The following CHCHD3 variants were observed in gnomAD, a reference collection of about 807,000 sequenced individuals.
CHCHD3 encodes the protein coiled-coil-helix-coiled-coil-helix domain containing 3.
Under a neutral mutation model 38.2 loss-of-function variants are expected in CHCHD3, and 20 were observed. That is an observed-to-expected ratio of 0.52 (90% CI 0.37 to 0.76). The LOEUF is 0.76. Ranked by LOEUF, CHCHD3 falls within the 30% of genes least tolerant of loss-of-function variation. The pLI, the probability that CHCHD3 is intolerant of heterozygous loss-of-function variation, is 0.00. For synonymous variants in CHCHD3, 82 were observed against 100.0 expected, an observed-to-expected ratio of 0.82 and a Z score of 1.07; for missense variants, 245 against 279.2, an observed-to-expected ratio of 0.88 and a Z score of 0.87.
intron 6 of CHCHD3, chr7:132,830,793 C>G (rs1340650192): frequency 6.6e-6 from 1 of 152,046 alleles, no homozygotes; most frequent in Non-Finnish European, 1.5e-5. Context: ...AAACAAAAAC[C>G]AACAAATAAC....
At chr7:132,808,031 A>G (rs1378999263) in intron 6 of CHCHD3, among the ~76,000 whole-genome samples, 1 of 152,188 alleles carries the variant, frequency 6.6e-6, no homozygotes. Flanking sequence ...ACAGATATGA[A>G]ATCCCACATG....
intron 4 of CHCHD3, among the ~76,000 whole-genome samples, chr7:132,890,747 C>T (rs1162056672): frequency 1.3e-5 from 2 of 152,212 alleles, no homozygotes; most frequent in Admixed American, 6.5e-5. Flanking sequence ...AAGGCAACAA[C>T]TCTCTTAACA....
intron 3 of CHCHD3, among the ~76,000 whole-genome samples, chr7:133,002,927 G>A (rs1812609375): frequency 6.6e-6 from 1 of 152,144 alleles, no homozygotes; most frequent in African/African-American, 2.4e-5. Context: ...CTGTTATGTA[G>A]TTTGATTACA....
chr7:132,885,975 A>G (rs974234365), intron 4 of CHCHD3, among the ~76,000 whole-genome samples: 3 of 152,132 alleles, frequency 2.0e-5, no homozygotes, highest in African/African-American at 7.2e-5. Context: ...TATTTTGTCC[A>G]AATATATTAG....
intron 6 of CHCHD3, among the ~76,000 whole-genome samples, chr7:132,812,753 G>C (rs1472989031): frequency 1.3e-5 from 2 of 151,780 alleles, no homozygotes; most frequent in Non-Finnish European, 2.9e-5. Flanking sequence ...TACCTCTCTT[G>C]GGATACATCC....
chr7:133,064,147 C>T (rs879927320), intron 2 of CHCHD3, among the ~76,000 whole-genome samples: 5 of 152,234 alleles, frequency 3.3e-5, no homozygotes, highest in Non-Finnish European at 5.9e-5. Flanking sequence ...ATTAAATATG[C>T]TTTGACCAAA....
chr7:133,004,670 T>C (rs1812654797), intron 3 of CHCHD3, among the ~76,000 whole-genome samples: 1 of 152,108 alleles, frequency 6.6e-6, no homozygotes. Context: ...AGATGAAAGA[T>C]AAGAGAGGAG....
chr7:132,832,957 A>G (rs1807686047), intron 6 of CHCHD3, among the ~76,000 whole-genome samples: 2 of 152,220 alleles, frequency 1.3e-5, no homozygotes, highest in African/African-American at 4.8e-5. Context: ...CTAGAGGTTT[A>G]GCAGCATCTA....
At chr7:132,955,173 G>GGGGGGTGTGTGT (rs138213006) in intron 4 of CHCHD3, among the ~76,000 whole-genome samples, 77 of 126,288 alleles carry the variant, frequency 6.1e-4, no homozygotes, top group African/African-American at 2.1e-3. Flanking sequence ...TCCCTCAGAG[G>GGGGGGTGTGTGT]GTGTGTGTGT....
chr7:132,916,667 A>C (rs1810113989), intron 4 of CHCHD3, among the ~76,000 whole-genome samples: 1 of 152,112 alleles, frequency 6.6e-6, no homozygotes, highest in Non-Finnish European at 1.5e-5. Flanking sequence ...TGTGGCCTCA[A>C]CCTCCGGGGC....
intron 4 of CHCHD3, among the ~76,000 whole-genome samples, chr7:132,933,685 G>C (rs1278641742): frequency 1.3e-5 from 2 of 152,182 alleles, no homozygotes; most frequent in East Asian, 1.9e-4. Context: ...TAAAAAACTA[G>C]ATGTCATCTG....
intron 1 of CHCHD3, among the ~76,000 whole-genome samples, chr7:133,073,872 T>C (rs12667425): frequency 0.39 from 58,764 of 152,080 alleles, 11,570 homozygotes; most frequent in East Asian, 0.55. Context: ...CTACAGTTTT[T>C]TTCCTTAATA....
intron 2 of CHCHD3, among the ~76,000 whole-genome samples, chr7:133,054,232 G>T (rs1209490801): frequency 6.6e-6 from 1 of 152,134 alleles, no homozygotes. Context: ...CTTCTTCAAT[G>T]ACTTGAAACA....
At chr7:133,064,271 A>C (rs1020743443) in intron 2 of CHCHD3, among the ~76,000 whole-genome samples, 1 of 152,230 alleles carries the variant, frequency 6.6e-6, no homozygotes, top group African/African-American at 2.4e-5. Context: ...TTCAGAGCAG[A>C]ATATGCTGAC....
chr7:132,844,101 A>G (rs1585565222), intron 5 of CHCHD3, among the ~76,000 whole-genome samples: 1 of 152,210 alleles, frequency 6.6e-6, no homozygotes, highest in Non-Finnish European at 1.5e-5. Flanking sequence ...GGAATTCAAG[A>G]CCAGCCAGGA....
intron 4 of CHCHD3, among the ~76,000 whole-genome samples, chr7:132,915,600 ATTGTT>A (rs376784493): frequency 1.3e-5 from 2 of 152,072 alleles, no homozygotes; most frequent in African/African-American, 4.8e-5. Context: ...ACATATGTGA[ATTGTT>A]TTGTTTTGAA....
chr7:132,943,106 T>C (rs1810807994), intron 4 of CHCHD3, among the ~76,000 whole-genome samples: 1 of 152,208 alleles, frequency 6.6e-6, no homozygotes, highest in East Asian at 1.9e-4. Flanking sequence ...AACTACCTAC[T>C]ATATCTAAAT....
In CHCHD3 at chr7:132,876,004, C is replaced by T. The variant is rs190334322; in HGVS notation, c.453+9658G>A. ...TGTGTTGAAACGTAATCCTTACAGA[C>T]GCACAGCTGTCTCATGGTCTGAACA... On this transcript the variant is annotated intron_variant, in intron 5 of 7. Coordinates refer to ENST00000262570, the MANE Select transcript of CHCHD3 (RefSeq NM_017812.4). 2.6e-3 allele frequency among the ~76,000 whole-genome samples: 397 copies of T among 152,294 alleles called. 4 individuals carry two copies. Among genetic ancestry groups the T allele is most frequent in the African/African-American group, 9.1e-3 (378 of 41,574 alleles).
intron 4 of CHCHD3, among the ~76,000 whole-genome samples, chr7:132,964,524 G>C (rs1005648817): frequency 2.0e-5 from 3 of 152,206 alleles, no homozygotes; most frequent in Non-Finnish European, 4.4e-5. Context: ...GAAGGTTGCA[G>C]TGAGCCAAGA....
Sources: allele counts gnomAD v4.1 joint callset (sites outside exome capture counted in the v4.1 genomes callset), GRCh38; gene constraint gnomAD v4.1.1; transcripts MANE v1.5; gene names NCBI Gene and HGNC (gene_info 2026-07-23, HGNC 2026-07-21).